Variants in PSMD7 observed in about 807,000 individuals in gnomAD.
The protein encoded by PSMD7 is proteasome 26S subunit, non-ATPase 7, also known as 26S proteasome non-ATPase regulatory subunit 7.
In PSMD7, 13 loss-of-function variants were observed where a neutral mutation model predicts 36.4. The observed-to-expected ratio is 0.36, with a 90% CI of 0.23 to 0.57. The LOEUF (loss-of-function observed/expected upper bound fraction) is 0.57, where lower values mean the gene tolerates loss of function less well. Among genes scored for constraint, PSMD7 ranks in the 20% least tolerant of loss-of-function variants. The pLI is 0.83. For missense variants in PSMD7, 298 were observed against 393.6 expected, an observed-to-expected ratio of 0.76 and a Z score of 2.06; for synonymous variants, 186 against 151.0, an observed-to-expected ratio of 1.23 and a Z score of -1.70.
chr16:74,304,857 C>G (rs2034183100), intron 6 of PSMD7: 1 of 169,594 alleles, frequency 5.9e-6, no homozygotes, highest in Admixed American at 5.9e-5. Flanking sequence ...CCTTCTAGTT[C>G]TAAAAATTAC....
intron 1 of PSMD7, among the ~76,000 whole-genome samples, chr16:74,297,926 T>C (rs1461569041): frequency 6.6e-6 from 1 of 152,124 alleles, no homozygotes; most frequent in Non-Finnish European, 1.5e-5. Flanking sequence ...CCCATTAACA[T>C]TTTTAAATGG....
At chr16:74,303,023 G>C (rs1245738575) in intron 5 of PSMD7, among the ~76,000 whole-genome samples, 3 of 152,086 alleles carry the variant, frequency 2.0e-5, no homozygotes, top group Admixed American at 6.5e-5. Context: ...TGTTTTTAGT[G>C]AATTTTTCTC....
intron 1 of PSMD7, among the ~76,000 whole-genome samples, chr16:74,298,252 G>T (rs2034129353): frequency 6.6e-6 from 1 of 151,630 alleles, no homozygotes; most frequent in Admixed American, 6.6e-5. Context: ...CTCATTGTTT[G>T]AGGGTGTACA....
intron 1 of PSMD7, chr16:74,299,826 G>T (rs968791934): frequency 2.3e-5 from 11 of 480,454 alleles, no homozygotes; most frequent in Admixed American, 1.4e-4. Context: ...GATCTGGGAA[G>T]CTTTCATTTT....
chr16:74,303,809 C>T (rs140525417), intron 5 of PSMD7, among the ~76,000 whole-genome samples: 1,782 of 152,106 alleles, frequency 0.012, 17 homozygotes, highest in Non-Finnish European at 0.019. Flanking sequence ...GCACCCTCCA[C>T]CTCCCAGGTT....
In PSMD7 at chr16:74,305,416, C is replaced by G. The variant is rs1406839036; in HGVS notation, c.658C>G (p.Leu220Val). Residue 220 changes from leucine to valine, a missense_variant, in exon 7 of 7, where the codon CTG becomes GTG. Coordinates refer to ENST00000219313, the MANE Select transcript of PSMD7 (RefSeq NM_002811.5). ...CCTGGAAAAAGTCGCCACAGGCAAG[C>G]TGCCCATCAACCACCAGATCATCTA... ...SYLEKVATGK[L>V]PINHQIIYQL... The G allele has an allele frequency of 6.2e-7, 1 of 1,614,194 alleles. No homozygotes were observed.
In PSMD7 at chr16:74,304,040, CCAAG is replaced by C. The variant is rs2034176467; in HGVS notation, c.439-262_439-259del. 5 of 340,416 alleles carry C rather than the reference CCAAG, an allele frequency of 1.5e-5. No homozygotes were observed. In the East Asian group the frequency reaches 1.8e-4, roughly 12 times the overall value. 21.1% of individuals were successfully genotyped at this position (340,416 alleles called of 1,614,324 possible). On this transcript the variant is annotated intron_variant, in intron 5 of 6. Transcript: ENST00000219313. ...CCTGAGACCTCCCTGTGCGTTCATGCCAAGTGTGGGCTTGAGGGAATTTCCAGAT... is the reference window on the plus strand; with the variant it reads ...CCTGAGACCTCCCTGTGCGTTCATGCTGTGGGCTTGAGGGAATTTCCAGAT...
chr16:74,305,841 C>T lies in PSMD7; in HGVS notation c.*108C>T. 1 of 1,271,694 alleles carries T rather than the reference C, an allele frequency of 7.9e-7. No homozygotes were observed. Among genetic ancestry groups the T allele is most frequent in the Non-Finnish European group, 1.0e-6 (1 of 982,254 alleles). 78.8% of individuals were successfully genotyped at this position (1,271,694 alleles called of 1,614,324 possible). On this transcript the variant is annotated 3_prime_UTR_variant, in exon 7 of 7. Transcript: ENST00000219313. ...CTTGACATGCTTATTAGAAAGCTGA[C>T]CCAACAAGAGCTCTCTGCCTCCGGT...
Position 74,305,354 on chromosome 16 carries a change from A to C in PSMD7, c.596A>C (p.Lys199Thr). The C allele has an allele frequency of 6.2e-7, 1 of 1,614,150 alleles. No individual in the cohort carries two copies. Among genetic ancestry groups the C allele is most frequent in the East Asian group, 2.2e-5 (1 of 44,886 alleles). The change falls in exon 7 of 7, where the codon AAG (lysine) becomes ACG (threonine). Residue 199 changes from lysine to threonine, a missense_variant. Physicochemically the swap from Lys to Thr is moderately conservative, Grantham distance 78. Transcript: ENST00000219313. ...ATCACAAACCAGGTCCATGGTTTGA[A>C]GGGACTGAACTCCAAGCTTCTGGAT... The part of the protein sequence containing the change: ...QRITNQVHGL[K>T]GLNSKLLDIR...
In PSMD7 at chr16:74,305,480, G is replaced by C. The variant is rs771815738; in HGVS notation, c.722G>C (p.Ser241Thr). Reference protein sequence around the residue: ...QDVFNLLPDVSLQEFVKAFYL... With the variant: ...QDVFNLLPDVTLQEFVKAFYL... ...GTCTTCAACCTGCTGCCAGATGTCA[G>C]CCTGCAGGAGTTCGTCAAGGCCTTT... The change falls in exon 7 of 7, where the codon AGC becomes ACC. Residue 241 changes from serine (S) to threonine (T), a missense_variant. Physicochemically the swap from Ser to Thr is moderately conservative, Grantham distance 58. Transcript: ENST00000219313. 3 of 1,614,022 alleles carry C rather than the reference G, an allele frequency of 1.9e-6. No individual in the cohort carries two copies. The South Asian group carries it at 3.3e-5, about 18-fold the overall frequency.
chr16:74,305,410 G>A lies in PSMD7; in HGVS notation c.652G>A (p.Gly218Ser). Reference sequence around the variant, plus strand: ...GAGCTACCTGGAAAAAGTCGCCACAGGCAAGCTGCCCATCAACCACCAGAT... The same window carrying A: ...GAGCTACCTGGAAAAAGTCGCCACAAGCAAGCTGCCCATCAACCACCAGAT... ...IRSYLEKVAT[G>S]KLPINHQIIY... is the part of the protein sequence containing the mutation. Residue 218 changes from glycine (G) to serine (S), a missense_variant, in exon 7 of 7, where the codon GGC becomes AGC. Coordinates refer to ENST00000219313, the MANE Select transcript of PSMD7 (RefSeq NM_002811.5). 2 of 1,614,184 alleles carry A rather than the reference G, an allele frequency of 1.2e-6. No homozygotes were observed. The highest frequency in any genetic ancestry group is 1.7e-6 in the Non-Finnish European group (2 of 1,180,034).
chr16:74,304,176 T>C (rs1230946530), intron 5 of PSMD7, 127 bp from the exon 6 acceptor site: 3 of 762,454 alleles, frequency 3.9e-6, no homozygotes, highest in Non-Finnish European at 6.7e-6. Flanking sequence ...ACCCTTGCCA[T>C]AGAAAATTCT....
At chr16:74,304,951 A>T (rs1292778361) in intron 6 of PSMD7, among the ~76,000 whole-genome samples, 3 of 152,214 alleles carry the variant, frequency 2.0e-5, no homozygotes, top group Non-Finnish European at 4.4e-5. Context: ...TGAGAGAGAC[A>T]GCTTCAGTAC....
chr16:74,300,354 C>T (rs2142562596), intron 2 of PSMD7, 148 bp downstream of exon 2: 1 of 694,336 alleles, frequency 1.4e-6, no homozygotes, highest in Non-Finnish European at 2.5e-6. Context: ...GAAGATTGCA[C>T]ACTAGACCAG....
chr16:74,305,433 G>A lies in PSMD7; in HGVS notation c.675G>A (p.Gln225=). ...CAGGCAAGCTGCCCATCAACCACCAGATCATCTACCAGCTGCAGGACGTCT... is the reference window on the plus strand; with the variant it reads ...CAGGCAAGCTGCCCATCAACCACCAAATCATCTACCAGCTGCAGGACGTCT... ...VATGKLPINH[Q]IIYQLQDVFN... Residue 225 remains glutamine (Q), a synonymous_variant, in exon 7 of 7, where the codon CAG becomes CAA. Coordinates refer to ENST00000219313, the MANE Select transcript of PSMD7 (RefSeq NM_002811.5). 6.2e-7 allele frequency: 1 copy of A among 1,614,170 alleles called. No homozygotes were observed. Among genetic ancestry groups the A allele is most frequent in the Non-Finnish European group, 8.5e-7 (1 of 1,180,044 alleles).
chr16:74,301,496 AG>A, intron 3 of PSMD7, 58 bp from the exon 4 acceptor site: 1 of 1,251,226 alleles, frequency 8.0e-7, no homozygotes. Context: ...ATCCTTTTTG[AG>A]GGAGTTGTAT....
At position 74,299,428 on chromosome 16, in the gene PSMD7, A is replaced by G. The variant is rs1191702220; in HGVS notation, c.75-687A>G. ...GGGTCTGCCGAGGCTGGGGTGCAGT[A>G]GCACAATCTCAGCTCACTGTAGCTA... On this transcript the variant is annotated intron_variant, in intron 1 of 6. Transcript: ENST00000219313. The G allele has an allele frequency of 2.0e-5, 7 of 354,678 alleles. No homozygotes were observed. The Admixed American group carries it at 2.1e-4, about 11-fold the overall frequency. The allele number at this position is 354,678 out of a possible 1,614,324, so 22.0% of individuals were successfully genotyped here.
chr16:74,305,248 T>C (rs1367793369), intron 6 of PSMD7, 41 bp from the exon 7 acceptor site: 5 of 1,561,668 alleles, frequency 3.2e-6, no homozygotes, highest in Non-Finnish European at 4.3e-6. Context: ...CATGGTACCC[T>C]GATGCCTTTT....
intron 3 of PSMD7, 61 bp downstream of exon 3, chr16:74,301,205 C>G (rs1567525660): frequency 8.6e-7 from 1 of 1,158,620 alleles, no homozygotes; most frequent in Non-Finnish European, 1.3e-6. Flanking sequence ...TGGGGGTCTT[C>G]TGTTCGCTTT....
Sources: allele counts gnomAD v4.1 joint callset (sites outside exome capture counted in the v4.1 genomes callset), GRCh38; gene constraint gnomAD v4.1.1; transcripts MANE v1.5; gene names NCBI Gene and HGNC (gene_info 2026-07-23, HGNC 2026-07-21).